The following RBFOX1 variants were observed in gnomAD, a reference collection of about 807,000 sequenced individuals.
The protein encoded by RBFOX1 is RNA binding fox-1 homolog 1.
In RBFOX1, 8 loss-of-function variants were observed where a neutral mutation model predicts 57.7. That is an observed-to-expected ratio of 0.14 (90% CI 0.08 to 0.25). The LOEUF (loss-of-function observed/expected upper bound fraction) is 0.25, where lower values mean the gene tolerates loss of function less well. Ranked by LOEUF, RBFOX1 falls within the 10% of genes least tolerant of loss-of-function variation. The pLI, the probability that RBFOX1 is intolerant of heterozygous loss-of-function variation, is 1.00. For missense variants in RBFOX1, 611 were observed against 548.5 expected, an observed-to-expected ratio of 1.11 and a Z score of -1.14; for synonymous variants, 326 against 222.4, an observed-to-expected ratio of 1.47 and a Z score of -4.15.
At chr16:6,124,088 G>C (rs957152237) in intron 1 of RBFOX1, among the ~76,000 whole-genome samples, 4 of 152,140 alleles carry the variant, frequency 2.6e-5, no homozygotes, top group Admixed American at 1.3e-4. Flanking sequence ...CTGGTAACTC[G>C]TGGGCTGGAA....
intron 2 of RBFOX1, among the ~76,000 whole-genome samples, chr16:6,527,010 T>C (rs2096590008): frequency 6.6e-6 from 1 of 152,004 alleles, no homozygotes; most frequent in Non-Finnish European, 1.5e-5. Flanking sequence ...GAAATCCAAC[T>C]TAAATCTGCT....
intron 1 of RBFOX1, among the ~76,000 whole-genome samples, chr16:5,271,901 C>T (rs1042239044): frequency 1.1e-4 from 16 of 152,136 alleles, no homozygotes; most frequent in Non-Finnish European, 1.8e-4. Flanking sequence ...CTTTCAAGTT[C>T]GTCTATGTTG....
chr16:6,679,878 G>GTTTTTTTTTTTTTTTTTTTT (rs71145274), intron 3 of RBFOX1, among the ~76,000 whole-genome samples: 12 of 114,304 alleles, frequency 1.0e-4, no homozygotes, highest in East Asian at 2.6e-4. Flanking sequence ...GTTTCTACTT[G>GTTTTTTTTTTTTTTTTTTTT]TTTTTTTTTT....
chr16:5,784,114 C>A (rs185486430), intron 3 of RBFOX1, among the ~76,000 whole-genome samples: 1 of 152,114 alleles, frequency 6.6e-6, no homozygotes, highest in South Asian at 2.1e-4. Flanking sequence ...CCTACACTCA[C>A]GGCAGAAGGT....
At chr16:6,776,303 C>T (rs1462168435) in intron 3 of RBFOX1, among the ~76,000 whole-genome samples, 11 of 151,848 alleles carry the variant, frequency 7.2e-5, no homozygotes, top group East Asian at 1.9e-4. Flanking sequence ...CCCAGCTACT[C>T]GGGGGGCTGA....
chr16:6,852,327 G>A (rs939067795), intron 3 of RBFOX1, among the ~76,000 whole-genome samples: 13 of 152,130 alleles, frequency 8.5e-5, no homozygotes, highest in Middle Eastern at 3.2e-3. Flanking sequence ...TTGAGGTTGC[G>A]TGTAGGGCCC....
chr16:6,606,291 C>T (rs1405483855), intron 2 of RBFOX1, among the ~76,000 whole-genome samples: 2 of 152,068 alleles, frequency 1.3e-5, no homozygotes, highest in African/African-American at 4.8e-5. Context: ...CCACTTCTTC[C>T]TGGAATTCAT....
intron 2 of RBFOX1, among the ~76,000 whole-genome samples, chr16:6,486,553 G>T (rs1217222779): frequency 6.6e-6 from 1 of 152,042 alleles, no homozygotes; most frequent in Non-Finnish European, 1.5e-5. Flanking sequence ...AAGTAATTCT[G>T]TTGGGATTAA....
At chr16:6,658,129 C>CT (rs1362633741) in intron 3 of RBFOX1, among the ~76,000 whole-genome samples, 9 of 152,238 alleles carry the variant, frequency 5.9e-5, no homozygotes, top group African/African-American at 2.2e-4. Context: ...TTCCCATTCT[C>CT]TTCCTTTCAA....
At chr16:7,177,251 A>G (rs1176333431) in intron 4 of RBFOX1, among the ~76,000 whole-genome samples, 1 of 152,202 alleles carries the variant, frequency 6.6e-6, no homozygotes, top group Non-Finnish European at 1.5e-5. Flanking sequence ...ATCTAGCTTG[A>G]TTGTCCATGG....
At chr16:5,426,839 C>T (rs1440004110) in intron 1 of RBFOX1, among the ~76,000 whole-genome samples, 1 of 152,148 alleles carries the variant, frequency 6.6e-6, no homozygotes, top group Non-Finnish European at 1.5e-5. Flanking sequence ...GGAGATCAGA[C>T]CAGGTGGTTA....
intron 1 of RBFOX1, among the ~76,000 whole-genome samples, chr16:5,307,905 A>G (rs1018507942): frequency 2.0e-5 from 3 of 152,182 alleles, no homozygotes; most frequent in African/African-American, 7.2e-5. Flanking sequence ...CTTGAGATCC[A>G]GGCCTCAGGC....
intron 5 of RBFOX1, among the ~76,000 whole-genome samples, chr16:7,563,208 T>C (rs2090842671): frequency 6.6e-6 from 1 of 152,210 alleles, no homozygotes; most frequent in African/African-American, 2.4e-5. Context: ...CAATGAAGTA[T>C]TAATCAGCCA....
chr16:5,452,282 C>A (rs1406640874), intron 1 of RBFOX1, among the ~76,000 whole-genome samples: 1 of 152,032 alleles, frequency 6.6e-6, no homozygotes, highest in East Asian at 1.9e-4. Context: ...CCACGCCCAG[C>A]TAATTTTTGT....
chr16:7,025,482 C>T (rs2040623391), intron 3 of RBFOX1, among the ~76,000 whole-genome samples: 1 of 152,168 alleles, frequency 6.6e-6, no homozygotes, highest in African/African-American at 2.4e-5. Flanking sequence ...TAGTAGGTCT[C>T]AGCCTTGTTG....
intron 4 of RBFOX1, among the ~76,000 whole-genome samples, chr16:7,146,196 C>G (rs1300771804): frequency 6.9e-6 from 1 of 145,738 alleles, no homozygotes; most frequent in Non-Finnish European, 1.5e-5. Flanking sequence ...GTTCAAGCCC[C>G]TTCCCCATTT....
At chr16:6,131,737 C>A (rs192463822) in intron 1 of RBFOX1, among the ~76,000 whole-genome samples, 79 of 152,296 alleles carry the variant, frequency 5.2e-4, no homozygotes, top group African/African-American at 1.4e-3. Flanking sequence ...CCCCACTGGC[C>A]TTCCTTGGAA....
rs1391285072 is a variant in RBFOX1 at position 7,553,364 on chromosome 16, C to G, written c.271-26413C>G. 2.6e-5 allele frequency among the ~76,000 whole-genome samples: 4 copies of G among 152,290 alleles called. No homozygotes were observed. In the South Asian group the frequency reaches 8.3e-4, roughly 32 times the overall value. The stretch of plus-strand genomic sequence containing the variant: ...CTCCCAGTGTTGCTCAGGCTGGTCT[C>G]AAACTCCTGGCCCCAAGTGATCCTC... On this transcript the variant is annotated intron_variant, in intron 5 of 15. Coordinates refer to ENST00000550418, the MANE Select transcript of RBFOX1 (RefSeq NM_018723.4).
chr16:5,811,695 C>T (rs568120984), intron 3 of RBFOX1, among the ~76,000 whole-genome samples: 14 of 151,354 alleles, frequency 9.2e-5, no homozygotes, highest in South Asian at 4.2e-4. Context: ...GTGGTCTGCC[C>T]GCCTTGGCCT....
Sources: gnomAD v4.1 joint callset for allele counts (sites outside exome capture counted in the v4.1 genomes callset) on GRCh38, gnomAD v4.1.1 for gene constraint, MANE v1.5 for transcripts, NCBI Gene and HGNC (gene_info 2026-07-23, HGNC 2026-07-21) for gene names.